The following MAGI2 variants were observed in gnomAD, a reference collection of about 807,000 sequenced individuals.
MAGI2 encodes the protein membrane-associated guanylate kinase, WW and PDZ domain-containing protein 2.
Under a neutral mutation model 133.3 loss-of-function variants are expected in MAGI2, and 35 were observed. That is an observed-to-expected ratio of 0.26 (90% CI 0.20 to 0.35). The LOEUF is 0.35. Among genes scored for constraint, MAGI2 ranks in the 10% least tolerant of loss-of-function variants. MAGI2 has a pLI of 1.00. For synonymous variants in MAGI2, 729 were observed against 710.6 expected (o/e 1.03, Z -0.41); for missense variants, 1,636 against 1,863.4 (o/e 0.88, Z 2.25).
intron 1 of MAGI2, among the ~76,000 whole-genome samples, chr7:79,402,157 T>G (rs1220336671): frequency 6.6e-6 from 1 of 152,122 alleles, no homozygotes. Context: ...GGCTCTATAG[T>G]TCTAGGAAAA....
intron 6 of MAGI2, among the ~76,000 whole-genome samples, chr7:78,401,790 G>A (rs1796893263): frequency 6.6e-6 from 1 of 152,132 alleles, no homozygotes; most frequent in Admixed American, 6.6e-5. Flanking sequence ...TAAAAATGGA[G>A]ACAATAATAC....
At chr7:78,689,062 T>C (rs1816681661) in intron 2 of MAGI2, among the ~76,000 whole-genome samples, 3 of 152,214 alleles carry the variant, frequency 2.0e-5, no homozygotes, top group African/African-American at 7.2e-5. Flanking sequence ...GAAATATCTT[T>C]GGAATTAAGC....
At chr7:79,443,796 C>G (rs1848654650) in intron 1 of MAGI2, among the ~76,000 whole-genome samples, 1 of 152,110 alleles carries the variant, frequency 6.6e-6, no homozygotes, top group East Asian at 1.9e-4. Context: ...TTTTAACAAA[C>G]ATCTTCAAAC....
At chr7:78,434,641 T>C (rs1025549814) in intron 6 of MAGI2, among the ~76,000 whole-genome samples, 1 of 152,134 alleles carries the variant, frequency 6.6e-6, no homozygotes, top group Admixed American at 6.6e-5. Flanking sequence ...TACCCTCACA[T>C]AAAATGAGAC....
chr7:78,767,702 C>T (rs1825168959), intron 2 of MAGI2, among the ~76,000 whole-genome samples: 1 of 152,162 alleles, frequency 6.6e-6, no homozygotes, highest in African/African-American at 2.4e-5. Context: ...AAGAAGAATT[C>T]AGTTAGAGTA....
At chr7:78,703,795 T>C (rs1204794999) in intron 2 of MAGI2, among the ~76,000 whole-genome samples, 2 of 147,718 alleles carry the variant, frequency 1.4e-5, no homozygotes, top group Non-Finnish European at 3.0e-5. Flanking sequence ...TTAAATGGAA[T>C]ATGTGATATT....
chr7:78,833,418 A>AC (rs1410584192), intron 2 of MAGI2, among the ~76,000 whole-genome samples: 1 of 151,126 alleles, frequency 6.6e-6, no homozygotes, highest in South Asian at 2.1e-4. Context: ...GAAGGCAGTG[A>AC]CCCCCCTGGA....
chr7:78,939,502 T>C (rs375775499), intron 2 of MAGI2, among the ~76,000 whole-genome samples: 2 of 152,198 alleles, frequency 1.3e-5, no homozygotes, highest in South Asian at 2.1e-4. Flanking sequence ...AAAGAGCAAA[T>C]GGTAAAGTTG....
chr7:79,072,849 A>G (rs1040064164), intron 1 of MAGI2, among the ~76,000 whole-genome samples: 8 of 152,126 alleles, frequency 5.3e-5, no homozygotes, highest in African/African-American at 1.9e-4. Flanking sequence ...ATGAAGTGCA[A>G]CTCTTAGCAG....
rs143035414 is a variant in MAGI2, at chr7:79,266,426, C to T, written c.301+186594G>A. ...GTTCCCAAATTACTTTATAACCAAC[C>T]CTGATTACCCACAGAAGATTATCTG... On this transcript the variant is annotated intron_variant, in intron 1 of 21. Coordinates refer to ENST00000354212, the MANE Select transcript of MAGI2 (RefSeq NM_012301.4). Among the ~76,000 whole-genome samples, 161 of 152,026 alleles carry T rather than the reference C, an allele frequency of 1.1e-3. No individual in the cohort carries two copies. The East Asian group carries it at 0.011, about 10-fold the overall frequency.
At chr7:79,219,256 A>G (rs848815) in intron 1 of MAGI2, among the ~76,000 whole-genome samples, 112,335 of 151,826 alleles carry the variant, frequency 0.74, 43,811 homozygotes, top group Non-Finnish European at 0.85. Context: ...AAAGTTTTTC[A>G]TGTGATCAAA....
chr7:79,003,566 T>G (rs779597085), intron 2 of MAGI2, among the ~76,000 whole-genome samples: 6 of 152,160 alleles, frequency 3.9e-5, no homozygotes, highest in Non-Finnish European at 8.8e-5. Context: ...CAATGAGAAT[T>G]TCTTTGACCA....
intron 1 of MAGI2, chr7:79,415,095 C>T (rs1846408818): frequency 6.6e-6 from 1 of 152,114 alleles, no homozygotes; most frequent in South Asian, 2.1e-4. Context: ...GTAAACACAT[C>T]TGCTAAGAAT....
chr7:78,721,594 A>G (rs1820275061), intron 2 of MAGI2, among the ~76,000 whole-genome samples: 1 of 152,020 alleles, frequency 6.6e-6, no homozygotes, highest in Admixed American at 6.5e-5. Flanking sequence ...AATTAAATTC[A>G]GTCTTCTAGT....
chr7:78,185,443 T>G (rs954399814), intron 13 of MAGI2, 186 bp downstream of exon 13: 4 of 425,300 alleles, frequency 9.4e-6, no homozygotes, highest in East Asian at 3.5e-5. Context: ...CCTTTGTCTT[T>G]TGTTGGCAGG....
intron 1 of MAGI2, among the ~76,000 whole-genome samples, chr7:79,351,286 G>GA (rs1841673253): frequency 6.6e-6 from 1 of 152,062 alleles, no homozygotes; most frequent in Admixed American, 6.6e-5. Flanking sequence ...AGGACATTCT[G>GA]TTTTGTCTTG....
intron 1 of MAGI2, among the ~76,000 whole-genome samples, chr7:79,365,416 C>T (rs1038024777): frequency 6.6e-6 from 1 of 151,166 alleles, no homozygotes; most frequent in African/African-American, 2.4e-5. Flanking sequence ...CACAAAAAAA[C>T]TGTAAATGCA....
chr7:78,707,203 G>T lies in MAGI2; in HGVS notation c.419-79964C>A, dbSNP rs184464532. Among the ~76,000 whole-genome samples, 11 of 152,042 alleles carry T rather than the reference G, an allele frequency of 7.2e-5. No homozygotes were observed. The East Asian group carries it at 1.9e-3, about 27-fold the overall frequency. On this transcript the variant is annotated intron_variant, in intron 2 of 21. Coordinates refer to ENST00000354212, the MANE Select transcript of MAGI2 (RefSeq NM_012301.4). ...CAATATTAAAGAATAAATTAGCAAAGAATAAAAGAACCACCCATTAGACCA... is the reference window on the plus strand; with the variant it reads ...CAATATTAAAGAATAAATTAGCAAATAATAAAAGAACCACCCATTAGACCA...
At chr7:79,126,286 T>A (rs1425627336) in intron 1 of MAGI2, among the ~76,000 whole-genome samples, 2 of 152,218 alleles carry the variant, frequency 1.3e-5, no homozygotes, top group Non-Finnish European at 2.9e-5. Flanking sequence ...CCTGGTTGTA[T>A]TCCTTTGGGA....
Sources: gnomAD v4.1 joint callset for allele counts (sites outside exome capture counted in the v4.1 genomes callset) on GRCh38, gnomAD v4.1.1 for gene constraint, MANE v1.5 for transcripts, NCBI Gene and HGNC (gene_info 2026-07-23, HGNC 2026-07-21) for gene names.